EYS: variants seen among roughly 807,000 people sequenced by gnomAD.
EYS encodes protein eyes shut homolog.
EYS carries 250 observed loss-of-function variants against 282.1 expected under a neutral mutation model. The ratio of observed to expected loss-of-function variants is 0.89; its 90% CI spans 0.80 to 0.98. The LOEUF (loss-of-function observed/expected upper bound fraction) is 0.98. EYS is among the 50% of genes least tolerant of loss of function. The pLI is 0.00. For synonymous variants in EYS, 1,355 were observed against 1,282.9 expected, an observed-to-expected ratio of 1.06 and a Z score of -1.20; for missense variants, 4,016 against 3,709.0, an observed-to-expected ratio of 1.08 and a Z score of -2.15.
intron 8 of EYS, among the ~76,000 whole-genome samples, chr6:65,367,079 G>C (rs1357549282): frequency 6.6e-6 from 1 of 151,530 alleles, no homozygotes; most frequent in Non-Finnish European, 1.5e-5. Context: ...ATAGGTTATG[G>C]GGATTAGGAC....
intron 12 of EYS, among the ~76,000 whole-genome samples, chr6:65,104,504 G>A (rs1554152605): frequency 6.6e-6 from 1 of 151,356 alleles, no homozygotes; most frequent in Non-Finnish European, 1.5e-5. Flanking sequence ...ATGTTGAAAA[G>A]TTTTTAAAAT....
At chr6:65,597,039 A>G (rs1562278872) in intron 2 of EYS, among the ~76,000 whole-genome samples, 1 of 152,122 alleles carries the variant, frequency 6.6e-6, no homozygotes, top group Non-Finnish European at 1.5e-5. Flanking sequence ...CAGAAGTTCA[A>G]AACATACTAA....
intron 9 of EYS, among the ~76,000 whole-genome samples, chr6:65,350,220 A>G (rs577462401): frequency 4.6e-5 from 7 of 151,652 alleles, no homozygotes; most frequent in Non-Finnish European, 1.0e-4. Flanking sequence ...GCATTTGACA[A>G]AAGAAGACTT....
At chr6:64,708,694 T>G (rs2149932405) in intron 22 of EYS, among the ~76,000 whole-genome samples, 1 of 152,296 alleles carries the variant, frequency 6.6e-6, no homozygotes, top group African/African-American at 2.4e-5. Context: ...AGATTAGGAT[T>G]ACCTAAACTT....
chr6:64,989,668 T>C (rs1016321622), intron 14 of EYS, among the ~76,000 whole-genome samples: 3 of 144,768 alleles, frequency 2.1e-5, no homozygotes, highest in Non-Finnish European at 4.5e-5. Context: ...ATTATTTATT[T>C]TTATACATTA....
chr6:64,312,316 G>T (rs1307166623), intron 29 of EYS, among the ~76,000 whole-genome samples: 1 of 152,114 alleles, frequency 6.6e-6, no homozygotes. Flanking sequence ...GCTGTGGCCA[G>T]ACTGCATCTC....
At chr6:64,477,019 AAAG>A (rs965593708) in intron 26 of EYS, among the ~76,000 whole-genome samples, 1 of 151,456 alleles carries the variant, frequency 6.6e-6, no homozygotes, top group Non-Finnish European at 1.5e-5. Flanking sequence ...TGACAAAAAG[AAAG>A]AAGATTATCT....
intron 9 of EYS, among the ~76,000 whole-genome samples, chr6:65,352,625 A>G (rs1339500565): frequency 6.6e-6 from 1 of 151,762 alleles, no homozygotes; most frequent in Non-Finnish European, 1.5e-5. Flanking sequence ...GCTATTTCCA[A>G]TTCATAAACA....
At chr6:64,165,168 T>A (rs1764248285) in intron 31 of EYS, among the ~76,000 whole-genome samples, 1 of 152,066 alleles carries the variant, frequency 6.6e-6, no homozygotes. Context: ...CAATTATACC[T>A]CAATAAATCT....
chr6:65,423,626 C>T lies in EYS; in HGVS notation c.863-18259G>A, dbSNP rs567002042. 2.0e-5 allele frequency among the ~76,000 whole-genome samples: 3 copies of T among 151,984 alleles called. No individual in the cohort carries two copies. In the East Asian group the frequency reaches 5.8e-4, roughly 30 times the overall value. On this transcript the variant is annotated intron_variant, in intron 5 of 42. Transcript: ENST00000503581. Reference sequence around the variant, plus strand: ...ACACATTATAAACCTCTGGCTTTTGCTATGCCCATTGAAATATACTTCCCT... The same window carrying T: ...ACACATTATAAACCTCTGGCTTTTGTTATGCCCATTGAAATATACTTCCCT...
intron 31 of EYS, among the ~76,000 whole-genome samples, chr6:64,188,792 T>C (rs1217023351): frequency 6.6e-6 from 1 of 152,184 alleles, no homozygotes; most frequent in African/African-American, 2.4e-5. Flanking sequence ...TGCGTGCACA[T>C]GTACACATGT....
intron 22 of EYS, among the ~76,000 whole-genome samples, chr6:64,798,039 C>A (rs1774414648): frequency 1.3e-5 from 2 of 151,670 alleles, no homozygotes; most frequent in Admixed American, 6.6e-5. Flanking sequence ...TCATTATATT[C>A]TTTATAATCG....
chr6:65,699,987 C>A (rs186433916), intron 1 of EYS, among the ~76,000 whole-genome samples: 15 of 151,510 alleles, frequency 9.9e-5, no homozygotes, highest in African/African-American at 3.6e-4. Flanking sequence ...TGGTGGCGGG[C>A]GCCTGTAGTC....
chr6:65,052,735 C>G (rs897052995), intron 13 of EYS, among the ~76,000 whole-genome samples: 2 of 151,516 alleles, frequency 1.3e-5, no homozygotes, highest in African/African-American at 4.8e-5. Flanking sequence ...TCCACAGTAA[C>G]AGAAAACCAA....
intron 13 of EYS, among the ~76,000 whole-genome samples, chr6:65,015,770 C>T (rs1422766035): frequency 6.7e-6 from 1 of 148,724 alleles, no homozygotes; most frequent in Non-Finnish European, 1.5e-5. Flanking sequence ...TGCAGTGGCT[C>T]ACATCTGTAA....
chr6:64,294,770 G>A (rs879003434), intron 30 of EYS, among the ~76,000 whole-genome samples: 9 of 152,148 alleles, frequency 5.9e-5, no homozygotes, highest in Admixed American at 2.6e-4. Context: ...TACTAGATAA[G>A]AGTATTATCA....
intron 26 of EYS, among the ~76,000 whole-genome samples, chr6:64,564,268 C>CTT (rs4034161): frequency 0.18 from 10,769 of 59,274 alleles, 4,307 homozygotes; most frequent in Non-Finnish European, 0.21. Context: ...ATCTTTTGTC[C>CTT]TTTTTTTTTT....
intron 5 of EYS, among the ~76,000 whole-genome samples, chr6:65,478,301 C>A (rs774657174): frequency 6.6e-6 from 1 of 151,972 alleles, no homozygotes; most frequent in Non-Finnish European, 1.5e-5. Flanking sequence ...TTGAAAAATG[C>A]TTATAAAAGT....
At chr6:65,044,953 T>G (rs879907928) in intron 13 of EYS, among the ~76,000 whole-genome samples, 1 of 151,820 alleles carries the variant, frequency 6.6e-6, no homozygotes, top group African/African-American at 2.4e-5. Context: ...CATATCAGAC[T>G]GAAGGTAGCC....
Sources: gnomAD v4.1 joint callset for allele counts (sites outside exome capture counted in the v4.1 genomes callset) on GRCh38, gnomAD v4.1.1 for gene constraint, MANE v1.5 for transcripts, NCBI Gene and HGNC (gene_info 2026-07-23, HGNC 2026-07-21) for gene names.